The following SDK2 variants were observed in gnomAD, a reference collection of about 807,000 sequenced individuals.
SDK2 encodes sidekick cell adhesion molecule 2.
A neutral mutation model predicts 253.9 loss-of-function variants in SDK2; 105 were observed. The ratio of observed to expected loss-of-function variants is 0.41; its 90% CI spans 0.35 to 0.49. The LOEUF (loss-of-function observed/expected upper bound fraction) is 0.49. SDK2 is among the 20% of genes least tolerant of loss of function. SDK2 has a pLI of 0.06. For synonymous variants in SDK2, 1,249 were observed against 1,234.9 expected, an observed-to-expected ratio of 1.01 and a Z score of -0.24; for missense variants, 2,608 against 3,003.0, an observed-to-expected ratio of 0.87 and a Z score of 3.07.
chr17:73,514,273 C>T (rs974681124), intron 1 of SDK2, among the ~76,000 whole-genome samples: 5 of 152,102 alleles, frequency 3.3e-5, no homozygotes, highest in South Asian at 2.1e-4. Flanking sequence ...GGCCTCAGCC[C>T]GGGGCTTCCT....
intron 27 of SDK2, 92 bp downstream of exon 27, chr17:73,393,468 C>T (rs2062945205): frequency 1.6e-6 from 2 of 1,212,240 alleles, no homozygotes; most frequent in Non-Finnish European, 1.1e-6. Context: ...CCCTGTGGGG[C>T]AGAGCCTGAC....
intron 1 of SDK2, among the ~76,000 whole-genome samples, chr17:73,614,278 G>A (rs1781600671): frequency 6.6e-6 from 1 of 152,184 alleles, no homozygotes; most frequent in Non-Finnish European, 1.5e-5. Flanking sequence ...TTACAGTTAA[G>A]TGCAGGAAGG....
chr17:73,566,485 A>G (rs2145859758), intron 1 of SDK2, among the ~76,000 whole-genome samples: 1 of 152,290 alleles, frequency 6.6e-6, no homozygotes, highest in East Asian at 1.9e-4. Flanking sequence ...GTAATGAACA[A>G]AGGTTGAAAG....
At chr17:73,567,147 C>T (rs2045324487) in intron 1 of SDK2, among the ~76,000 whole-genome samples, 1 of 152,226 alleles carries the variant, frequency 6.6e-6, no homozygotes, top group Non-Finnish European at 1.5e-5. Context: ...GGCCTGGATC[C>T]CTGCTGCCCT....
At chr17:73,602,540 T>C (rs2045855709) in intron 1 of SDK2, among the ~76,000 whole-genome samples, 1 of 150,490 alleles carries the variant, frequency 6.6e-6, no homozygotes, top group Non-Finnish European at 1.5e-5. Flanking sequence ...TTTTTTTTAA[T>C]GAAGTTCCTT....
intron 15 of SDK2, among the ~76,000 whole-genome samples, chr17:73,421,573 CTTTTTTTTTTTTT>C (rs36068491): frequency 2.2e-5 from 2 of 90,772 alleles, no homozygotes; most frequent in African/African-American, 9.0e-5. Flanking sequence ...CAATTTCCAT[CTTTTTTTTTTTTT>C]TTTTTTTTTG....
chr17:73,340,749 T>TG lies in SDK2; in HGVS notation c.6166-1810_6166-1809insC, dbSNP rs1433175984. 6.5e-5 allele frequency among the ~76,000 whole-genome samples: 9 copies of TG among 138,872 alleles called. No homozygotes were observed. In the East Asian group the frequency reaches 1.7e-3, roughly 26 times the overall value. 91.1% of individuals were successfully genotyped at this position (138,872 alleles called of 152,430 possible). ...AAACCTTAAAGTTTTTTTTTTTTTTTTTTTTTTTTTTGAGATGGAGTTTTG... is the reference window on the plus strand; with the variant it reads ...AAACCTTAAAGTTTTTTTTTTTTTTTGTTTTTTTTTTTGAGATGGAGTTTTG... On this transcript the variant is annotated intron_variant, in intron 44 of 44. Coordinates refer to ENST00000392650, the MANE Select transcript of SDK2 (RefSeq NM_001144952.2).
intron 1 of SDK2, among the ~76,000 whole-genome samples, chr17:73,586,460 G>A (rs377541858): frequency 2.0e-5 from 3 of 152,178 alleles, no homozygotes; most frequent in South Asian, 4.2e-4. Context: ...CTCCCTTCGC[G>A]CCAGTGTACT....
intron 1 of SDK2, among the ~76,000 whole-genome samples, chr17:73,599,647 G>C (rs1258563856): frequency 1.3e-5 from 2 of 152,110 alleles, no homozygotes; most frequent in Admixed American, 1.3e-4. Context: ...AAGAAGGAGG[G>C]AGGGAGGGGA....
In SDK2 at chr17:73,597,952, T is replaced by C. The variant is rs959600090; in HGVS notation, c.64+46073A>G. ...GAGCCACCGCGCCTGGCCTATTTCA[T>C]TTTTATGATACCCCTACAAGGTGAA... On this transcript the variant is annotated intron_variant, in intron 1 of 44. Transcript: ENST00000392650. Among the ~76,000 whole-genome samples the C allele has an allele frequency of 2.0e-5, 3 of 152,322 alleles. 1 individual carries two copies. Among genetic ancestry groups the C allele is most frequent in the Admixed American group, 2.0e-4 (3 of 15,306 alleles).
intron 1 of SDK2, among the ~76,000 whole-genome samples, chr17:73,523,786 C>G (rs527308236): frequency 1.3e-5 from 2 of 151,732 alleles, no homozygotes; most frequent in South Asian, 4.2e-4. Context: ...CCCCAAATAA[C>G]AGGCCAGCAC....
At chr17:73,463,695 G>A (rs1304887228) in intron 3 of SDK2, among the ~76,000 whole-genome samples, 2 of 152,102 alleles carry the variant, frequency 1.3e-5, no homozygotes, top group African/African-American at 4.8e-5. Flanking sequence ...ATAGTCTTCC[G>A]TGATTTGCAT....
rs1473018514 is a variant in SDK2, at chr17:73,481,552, C to A, written c.225-9334G>T. Among the ~76,000 whole-genome samples the A allele has an allele frequency of 3.9e-5, 6 of 152,034 alleles. No homozygotes were observed. Among genetic ancestry groups the A allele is most frequent in the Admixed American group, 3.9e-4 (6 of 15,258 alleles). ...AAACAGAGACAGAGAAAGAGAGAGA[C>A]AGAAAGACAGGAGACAGAGTGGTGA... On this transcript the variant is annotated intron_variant, in intron 2 of 44. Coordinates refer to ENST00000392650, the MANE Select transcript of SDK2 (RefSeq NM_001144952.2). The surrounding 1 kb of genome is among the most constrained non-coding windows in gnomAD (Gnocchi z 4.5).
chr17:73,444,084 T>C (rs1323564876), intron 5 of SDK2, among the ~76,000 whole-genome samples: 1 of 152,146 alleles, frequency 6.6e-6, no homozygotes, highest in Non-Finnish European at 1.5e-5. Flanking sequence ...TGGTACACAG[T>C]AGGTGCTCAA....
chr17:73,407,417 TAATG>T (rs1292736038), intron 18 of SDK2, among the ~76,000 whole-genome samples: 1 of 151,952 alleles, frequency 6.6e-6, no homozygotes, highest in Non-Finnish European at 1.5e-5. Flanking sequence ...AGAAGCATAA[TAATG>T]GTAATGGATT....
At chr17:73,607,819 G>A (rs950170133) in intron 1 of SDK2, among the ~76,000 whole-genome samples, 16 of 151,882 alleles carry the variant, frequency 1.1e-4, no homozygotes, top group Non-Finnish European at 2.4e-4. Context: ...GCTTTTGAGC[G>A]AAGGACACAT....
chr17:73,614,536 TG>T (rs2046022521), intron 1 of SDK2, among the ~76,000 whole-genome samples: 1 of 113,050 alleles, frequency 8.8e-6, no homozygotes. Flanking sequence ...GACACAAAGA[TG>T]GGAACAAAAG....
Position 73,350,106 on chromosome 17 carries a change from G to A in SDK2, c.6038+131C>T, listed in dbSNP as rs79607676. 6.3e-4 allele frequency: 543 copies of A among 856,936 alleles called. 6 individuals carry two copies. In the African/African-American group the frequency reaches 8.7e-3, roughly 14 times the overall value. 53.1% of individuals were successfully genotyped at this position (856,936 alleles called of 1,614,324 possible). ...CTTTCTGCTGATCGTTCCCAGCCCT[G>A]GGGCTTGAATGGTGTTTCCCAGGAC... On this transcript the variant is annotated intron_variant, in intron 43 of 44. Transcript: ENST00000392650.
At position 73,616,390 on chromosome 17, in the gene SDK2, AAAC is replaced by A. The variant is rs1468181048; in HGVS notation, c.64+27632_64+27634del. On this transcript the variant is annotated intron_variant, in intron 1 of 44. Coordinates refer to ENST00000392650, the MANE Select transcript of SDK2 (RefSeq NM_001144952.2). This position sits in a 1 kb window ranked among gnomAD's most constrained non-coding sequence, Gnocchi z 5.2. ...ACATGCAGGCTCAGGAAGGAGAAAA[AAAC>A]AAGAGGGAAAGAGGCAAGCAACGGT... Among the ~76,000 whole-genome samples the A allele has an allele frequency of 6.6e-6, 1 of 152,130 alleles. No homozygotes were observed. Among genetic ancestry groups the A allele is most frequent in the African/African-American group, 2.4e-5 (1 of 41,418 alleles).
Sources: gnomAD v4.1 joint callset for allele counts (sites outside exome capture counted in the v4.1 genomes callset) on GRCh38, gnomAD v4.1.1 for gene constraint, Gnocchi (gnomAD v3.1) non-coding constraint, MANE v1.5 for transcripts, NCBI Gene and HGNC (gene_info 2026-07-23, HGNC 2026-07-21) for gene names.